EZH1: variants seen among roughly 807,000 people sequenced by gnomAD.
EZH1 encodes enhancer of zeste 1 polycomb repressive complex 2 subunit, also known as histone-lysine N-methyltransferase EZH1.
In EZH1, 33 loss-of-function variants were observed where a neutral mutation model predicts 100.5. The ratio of observed to expected loss-of-function variants is 0.33; its 90% CI spans 0.25 to 0.44. The LOEUF is 0.44. EZH1 is among the 20% of genes least tolerant of loss of function. The pLI, the probability that EZH1 is intolerant of heterozygous loss-of-function variation, is 1.00. For synonymous variants in EZH1, 272 were observed against 313.8 expected (o/e 0.87, Z 1.41); for missense variants, 475 against 928.4 (o/e 0.51, Z 6.35).
At chr17:42,740,444 G>A (rs2054155658) in intron 1 of EZH1, among the ~76,000 whole-genome samples, 1 of 152,096 alleles carries the variant, frequency 6.6e-6, no homozygotes, top group Non-Finnish European at 1.5e-5. Flanking sequence ...CACCATGTTG[G>A]CCAGGATGAT....
intron 10 of EZH1, among the ~76,000 whole-genome samples, chr17:42,716,261 G>A (rs1052720577): frequency 1.3e-5 from 2 of 152,100 alleles, no homozygotes; most frequent in Non-Finnish European, 2.9e-5. Context: ...GTAAGAGAAT[G>A]TCTTTATGCT....
rs1392754844 is a variant in EZH1, at chr17:42,745,003, T to C, written c.-103+8A>G. The C allele has an allele frequency of 8.6e-6, 11 of 1,274,734 alleles. 1 individual carries two copies. Among genetic ancestry groups the C allele is most frequent in the Non-Finnish European group, 1.1e-5 (11 of 983,166 alleles). The allele number at this position is 1,274,734 out of a possible 1,614,324, so 79.0% of individuals were successfully genotyped here. On this transcript the variant is annotated splice_region_variant and intron_variant, in intron 1 of 20. Coordinates refer to ENST00000428826, the MANE Select transcript of EZH1 (RefSeq NM_001991.5). ...CACCGCCCGGCCCAGGCTTGTTTAC[T>C]CACTCACCCTCCATCCCGAGCCGCG...
chr17:42,716,572 G>A (rs750111210), intron 10 of EZH1, among the ~76,000 whole-genome samples: 8 of 152,138 alleles, frequency 5.3e-5, no homozygotes, highest in African/African-American at 1.4e-4. Flanking sequence ...CAGCATCTTC[G>A]TAATACATGT....
intron 12 of EZH1, among the ~76,000 whole-genome samples, chr17:42,710,908 C>A (rs559192861): frequency 6.6e-6 from 1 of 151,288 alleles, no homozygotes; most frequent in South Asian, 2.1e-4. Context: ...TAGGTGTGAG[C>A]CACCTTGCCC....
rs371173321 is a variant in EZH1, at chr17:42,744,896, C to G, written c.-103+115G>C. On this transcript the variant is annotated intron_variant, in intron 1 of 20. Transcript: ENST00000428826. ...ACCCCCGGCCAGGCAGGCAGTGTGT[C>G]CCTCGGATTCCTTCCAATTTCCTGA... 4.0e-5 allele frequency: 45 copies of G among 1,118,326 alleles called. 3 individuals are homozygous for G. The East Asian group carries it at 9.8e-4, about 24-fold the overall frequency. 69.3% of individuals were successfully genotyped at this position (1,118,326 alleles called of 1,614,324 possible).
At position 42,728,861 on chromosome 17, in the gene EZH1, T is replaced by C; in HGVS notation, c.81A>G (p.Arg27=). The change falls in exon 3 of 21, where the codon CGA becomes CGG. Residue 27 remains arginine, a synonymous_variant. Transcript: ENST00000428826. ...RKVKSEYMRL[R]QLKRLQANMG... is the part of the protein sequence containing the mutation. ...TATTTGCCTGAAGCCGTTTAAGTTG[T>C]CGAAGTCGCATGTATTCAGATTTCA... The C allele has an allele frequency of 6.2e-7, 1 of 1,613,890 alleles. No individual in the cohort carries two copies. Among genetic ancestry groups the C allele is most frequent in the East Asian group, 2.2e-5 (1 of 44,864 alleles).
intron 20 of EZH1, 142 bp downstream of exon 20, chr17:42,702,735 A>C: frequency 7.9e-7 from 1 of 1,258,764 alleles, no homozygotes; most frequent in Non-Finnish European, 1.2e-6. Context: ...GGCACCAGAT[A>C]TCAGAACAAG....
In EZH1 at chr17:42,744,947, C is replaced by T. The variant is rs1376039773; in HGVS notation, c.-103+64G>A. 6.4e-6 allele frequency: 8 copies of T among 1,252,964 alleles called. No homozygotes were observed. In the East Asian group the frequency reaches 3.6e-4, roughly 56 times the overall value. The allele number at this position is 1,252,964 out of a possible 1,614,324, so 77.6% of individuals were successfully genotyped here. On this transcript the variant is annotated intron_variant, in intron 1 of 20. Coordinates refer to ENST00000428826, the MANE Select transcript of EZH1 (RefSeq NM_001991.5). ...TCCCTCCGCCTCTCCCTCCCTCAGG[C>T]CCAGGGCGGCGAGGGGAGGAGGCCC...
chr17:42,730,651 C>T (rs1412860407), intron 2 of EZH1, among the ~76,000 whole-genome samples, 177 bp downstream of exon 2: 1 of 150,880 alleles, frequency 6.6e-6, no homozygotes, highest in Non-Finnish European at 1.5e-5. Flanking sequence ...CGCCCGCTAC[C>T]ACGCCCGGCT....
At chr17:42,703,166 T>TTTTTG (rs547055480) in intron 19 of EZH1, 29 of 552,010 alleles carry the variant, frequency 5.3e-5, no homozygotes, top group Admixed American at 3.2e-4. Context: ...TAAGTGGGGT[T>TTTTTG]TTTTGTTTTG....
chr17:42,733,627 C>A (rs1008754689), intron 1 of EZH1, among the ~76,000 whole-genome samples: 2 of 128,768 alleles, frequency 1.6e-5, no homozygotes, highest in Non-Finnish European at 1.6e-5. Flanking sequence ...GGCGACAGAG[C>A]GAGACTCCAT....
chr17:42,712,713 G>C (rs1009251867), intron 11 of EZH1, among the ~76,000 whole-genome samples: 1 of 151,756 alleles, frequency 6.6e-6, no homozygotes, highest in Non-Finnish European at 1.5e-5. Flanking sequence ...GACCAGCCTG[G>C]GCAACATGGC....
chr17:42,702,377 C>T lies in EZH1; in HGVS notation c.*155G>A. The T allele has an allele frequency of 1.7e-6, 1 of 593,448 alleles. No homozygotes were observed. Among genetic ancestry groups the T allele is most frequent in the Non-Finnish European group, 2.9e-6 (1 of 339,074 alleles). The allele number at this position is 593,448 out of a possible 1,614,324, so 36.8% of individuals were successfully genotyped here. A position where few individuals can be genotyped will look rare whatever the true frequency, so the allele number is the denominator to read the frequency against. ...CCCTCTCATTGAGACAGTTTTGTGC[C>T]CTCTGGACATGGCAGAGGCCTCACT... On this transcript the variant is annotated 3_prime_UTR_variant, in exon 21 of 21. Transcript: ENST00000428826.
chr17:42,739,011 C>T (rs1265748188), intron 1 of EZH1, among the ~76,000 whole-genome samples: 1 of 152,106 alleles, frequency 6.6e-6, no homozygotes, highest in African/African-American at 2.4e-5. Context: ...CTGCCTCGGC[C>T]TCCCAAAGTG....
Position 42,700,622 on chromosome 17 carries a change from A to G in EZH1, c.*1910T>C, listed in dbSNP as rs2053222443. The G allele has an allele frequency of 6.6e-6, 1 of 152,478 alleles. No homozygotes were observed. Among genetic ancestry groups the G allele is most frequent in the South Asian group, 2.1e-4 (1 of 4,828 alleles). 9.4% of individuals were successfully genotyped at this position (152,478 alleles called of 1,614,324 possible). ...CCTCACAGCGAGCCCCTGGCATTTCAAATAGACCTAACTCCTCCTCTTCAT... is the reference window on the plus strand; with the variant it reads ...CCTCACAGCGAGCCCCTGGCATTTCGAATAGACCTAACTCCTCCTCTTCAT... On this transcript the variant is annotated 3_prime_UTR_variant, in exon 21 of 21. Coordinates refer to ENST00000428826, the MANE Select transcript of EZH1 (RefSeq NM_001991.5).
intron 11 of EZH1, 34 bp from the exon 12 acceptor site, chr17:42,712,519 G>A: frequency 1.3e-6 from 2 of 1,591,658 alleles, no homozygotes; most frequent in South Asian, 2.2e-5. Context: ...ATCAGAAGAA[G>A]GTAGAATGCA....
Position 42,718,422 on chromosome 17 carries a change from G to A in EZH1, c.931+32C>T, listed in dbSNP as rs1187793597. The A allele has an allele frequency of 1.2e-6, 2 of 1,610,764 alleles. No individual in the cohort carries two copies. Among genetic ancestry groups the A allele is most frequent in the Admixed American group, 3.3e-5 (2 of 59,964 alleles). ...AATGGTGGCTGGGGATGGAAGAGAG[G>A]AGAGCATTTCAAACAGAGTAGCCCC... On this transcript the variant is annotated intron_variant, in intron 9 of 20. Transcript: ENST00000428826. This position sits in a 1 kb window ranked among gnomAD's most constrained non-coding sequence, Gnocchi z 4.2.
chr17:42,707,453 G>T (rs143345514), intron 15 of EZH1, among the ~76,000 whole-genome samples: 3 of 152,296 alleles, frequency 2.0e-5, no homozygotes, highest in African/African-American at 7.2e-5. Context: ...GTAGAGACGG[G>T]GTTCACCATG....
chr17:42,729,161 C>G (rs2053886120), intron 2 of EZH1: 1 of 423,456 alleles, frequency 2.4e-6, no homozygotes. Context: ...AAAACCAACA[C>G]TTTAGGAAGC....
Sources: gnomAD v4.1 joint callset for allele counts (sites outside exome capture counted in the v4.1 genomes callset) on GRCh38, gnomAD v4.1.1 for gene constraint, Gnocchi (gnomAD v3.1) non-coding constraint, MANE v1.5 for transcripts, NCBI Gene and HGNC (gene_info 2026-07-23, HGNC 2026-07-21) for gene names.